The following CLU variants were observed in gnomAD, a reference collection of about 807,000 sequenced individuals.
CLU encodes aging-associated protein 4.
In CLU, 25 loss-of-function variants were observed where a neutral mutation model predicts 46.4. That is an observed-to-expected ratio of 0.54 (90% CI 0.39 to 0.75). The LOEUF (loss-of-function observed/expected upper bound fraction) is 0.75, where lower values mean the gene tolerates loss of function less well. CLU is among the 30% of genes least tolerant of loss of function. CLU has a pLI of 0.00. For synonymous variants in CLU, 235 were observed against 235.1 expected (o/e 1.00, Z 0.00); for missense variants, 504 against 592.1 (o/e 0.85, Z 1.54).
intron 5 of CLU, 33 bp from the exon 6 acceptor site, chr8:27,604,428 T>A: frequency 6.5e-7 from 1 of 1,549,264 alleles, no homozygotes; most frequent in South Asian, 1.1e-5. Context: ...GAGTCAGTCA[T>A]CCAGCCATGC....
At chr8:27,610,829 G>A (rs1800913612) in intron 1 of CLU, 1 of 515,584 alleles carries the variant, frequency 1.9e-6, no homozygotes, top group East Asian at 3.5e-5. Flanking sequence ...CTGCAGGACA[G>A]CAATGTTGAG....
At chr8:27,612,080 A>G (rs991301745) in intron 1 of CLU, 5 of 325,940 alleles carry the variant, frequency 1.5e-5, no homozygotes, top group Non-Finnish European at 3.0e-5. Context: ...TTCCAGACTC[A>G]GCAGCGGGCA....
intron 5 of CLU, 86 bp from the exon 6 acceptor site, chr8:27,604,481 T>A: frequency 8.8e-7 from 1 of 1,137,684 alleles, no homozygotes; most frequent in Non-Finnish European, 1.3e-6. Flanking sequence ...TTTATTTATT[T>A]TTTAATTTAC....
At position 27,599,858 on chromosome 8, in the gene CLU, C is replaced by T; in HGVS notation, c.1086G>A (p.Leu362=). Residue 362 remains leucine (L), a synonymous_variant, in exon 7 of 9, where the codon CTG becomes CTA. Transcript: ENST00000316403. The surrounding 1 kb of genome is among the most constrained non-coding windows in gnomAD (Gnocchi z 4.0). ...GGGACACCCAGTTAAACTGCTCGTT[C>T]AGCTGCTCCAGCAAGGAGGAGGTGT... ...MLNTSSLLEQ[L]NEQFNWVSRL... 3 of 1,614,130 alleles carry T rather than the reference C, an allele frequency of 1.9e-6. No individual in the cohort carries two copies. Among genetic ancestry groups the T allele is most frequent in the Admixed American group, 3.3e-5 (2 of 60,020 alleles).
chr8:27,606,693 C>T (rs1800828749), intron 3 of CLU, among the ~76,000 whole-genome samples, 169 bp from the exon 4 acceptor site: 1 of 152,236 alleles, frequency 6.6e-6, no homozygotes, highest in Non-Finnish European at 1.5e-5. Context: ...CTCATTCGCC[C>T]ACCTGGAATC....
At position 27,608,612 on chromosome 8, in the gene CLU, G is replaced by A. The variant is rs1317789454; in HGVS notation, c.246+326C>T. On this transcript the variant is annotated intron_variant, in intron 3 of 8. Coordinates refer to ENST00000316403, the MANE Select transcript of CLU (RefSeq NM_001831.4). ...AAGCTTCCTGAAGGTTGGACGCCAC[G>A]CCTGTCTGGGCCCCTGCCGCCACCC... 11 of 504,662 alleles carry A rather than the reference G, an allele frequency of 2.2e-5. 1 individual carries two copies. The highest frequency in any genetic ancestry group is 2.0e-4 in the Admixed American group (6 of 30,234). 31.3% of individuals were successfully genotyped at this position (504,662 alleles called of 1,614,324 possible).
chr8:27,611,744 C>T (rs1190012916), intron 1 of CLU: 3 of 457,690 alleles, frequency 6.6e-6, no homozygotes, highest in Admixed American at 4.7e-5. Context: ...AGTAATCAGG[C>T]GCAAAGAGCC....
Position 27,597,276 on chromosome 8 carries a change from G to A in CLU, c.*965C>T, listed in dbSNP as rs1334491332. Reference sequence around the variant, plus strand: ...ATTCTATCAGAGAATGTTAATGAACGAAAAGCCTGAGCTTTAAGACTGAGA... The same window carrying A: ...ATTCTATCAGAGAATGTTAATGAACAAAAAGCCTGAGCTTTAAGACTGAGA... On this transcript the variant is annotated 3_prime_UTR_variant, in exon 9 of 9. Transcript: ENST00000316403. 8.8e-6 allele frequency: 4 copies of A among 454,172 alleles called. No homozygotes were observed. Among genetic ancestry groups the A allele is most frequent in the African/African-American group, 4.0e-5 (2 of 49,786 alleles). The allele number at this position is 454,172 out of a possible 1,614,324, so 28.1% of individuals were successfully genotyped here. A position where few individuals can be genotyped will look rare whatever the true frequency, so the allele number is the denominator to read the frequency against.
intron 6 of CLU, among the ~76,000 whole-genome samples, chr8:27,603,996 ACTTTTTTCAACAAG>A (rs1375488830): frequency 4.6e-5 from 7 of 152,180 alleles, no homozygotes; most frequent in African/African-American, 1.7e-4. Context: ...CAGGGGGATG[ACTTTTTTCAACAAG>A]CTTTTTTCAA....
chr8:27,610,156 C>CCA (rs1800895552), intron 2 of CLU, among the ~76,000 whole-genome samples: 1 of 152,130 alleles, frequency 6.6e-6, no homozygotes, highest in African/African-American at 2.4e-5. Flanking sequence ...CTCCGGTGGT[C>CCA]CAGACACAGC....
At chr8:27,610,945 T>C in intron 1 of CLU, 1 of 370,952 alleles carries the variant, frequency 2.7e-6, no homozygotes, top group South Asian at 2.1e-5. Context: ...CTGGCCTCCT[T>C]GTCCAGAGTG....
intron 8 of CLU, 75 bp downstream of exon 8, chr8:27,598,384 CA>C: frequency 6.2e-7 from 1 of 1,603,102 alleles, no homozygotes. Flanking sequence ...ATAGAGTCTG[CA>C]CTTTGTTTGT....
intron 8 of CLU, 52 bp from the exon 9 acceptor site, chr8:27,598,302 A>C (rs1466365946): frequency 3.1e-6 from 5 of 1,610,528 alleles, no homozygotes; most frequent in Non-Finnish European, 4.2e-6. Flanking sequence ...CAAAGGAAAA[A>C]TAAAATTCCC....
At position 27,598,196 on chromosome 8, in the gene CLU, G is replaced by C; in HGVS notation, c.*45C>G. 1 of 1,607,380 alleles carries C rather than the reference G, an allele frequency of 6.2e-7. No individual in the cohort carries two copies. Among genetic ancestry groups the C allele is most frequent in the South Asian group, 1.1e-5 (1 of 90,708 alleles). On this transcript the variant is annotated 3_prime_UTR_variant, in exon 9 of 9. Transcript: ENST00000316403. ...GGGGCTGCAGCTCATCTTGGGGGGA[G>C]CTGGACTCAGATGCCCCCGTAGGTG...
At chr8:27,612,493 G>T (rs575826396) in intron 1 of CLU, among the ~76,000 whole-genome samples, 142 of 152,248 alleles carry the variant, frequency 9.3e-4, no homozygotes, top group Non-Finnish European at 1.7e-3. Flanking sequence ...GTCTGGAGAG[G>T]GGCAGGAAAA....
In CLU at chr8:27,604,633, C is replaced by T. The variant is rs9331916; in HGVS notation, c.830-238G>A. Among the ~76,000 whole-genome samples the T allele has an allele frequency of 0.16, 24,300 of 151,982 alleles. 2,507 individuals carry two copies. The highest frequency in any genetic ancestry group is 0.26 in the Admixed American group (3,962 of 15,274). ...GACTACAGGTGTGCACCACCACACC[C>T]GGCTAATTTTTTAAGTTTTTATTTT... On this transcript the variant is annotated intron_variant, in intron 5 of 8. Transcript: ENST00000316403.
chr8:27,598,288 C>A (rs772897252), intron 8 of CLU, 38 bp from the exon 9 acceptor site: 4 of 1,612,744 alleles, frequency 2.5e-6, no homozygotes, highest in Middle Eastern at 1.6e-4. Context: ...AGTAAAACAT[C>A]CTCCAAAGGA....
At position 27,597,796 on chromosome 8, in the gene CLU, T is replaced by C. The variant is rs930262672; in HGVS notation, c.*445A>G. 1 of 458,732 alleles carries C rather than the reference T, an allele frequency of 2.2e-6. No individual in the cohort carries two copies. The highest frequency in any genetic ancestry group is 2.0e-5 in the African/African-American group (1 of 50,202). 28.4% of individuals were successfully genotyped at this position (458,732 alleles called of 1,614,324 possible). ...CTCTCTTCCTGAAAGCAAGCAATTC[T>C]TGAAGTGGATCAACCTTGTCATCAT... On this transcript the variant is annotated 3_prime_UTR_variant, in exon 9 of 9. Coordinates refer to ENST00000316403, the MANE Select transcript of CLU (RefSeq NM_001831.4).
In CLU at chr8:27,597,596, A is replaced by G; in HGVS notation, c.*645T>C. On this transcript the variant is annotated 3_prime_UTR_variant, in exon 9 of 9. Transcript: ENST00000316403. The stretch of plus-strand genomic sequence containing the variant: ...CAAATGTTTTCATAACGAAAACATC[A>G]ATTATGCATTATAATACCAAGTACA... 1 of 454,132 alleles carries G rather than the reference A, an allele frequency of 2.2e-6. No individual in the cohort carries two copies. The highest frequency in any genetic ancestry group is 4.4e-6 in the Non-Finnish European group (1 of 226,798). The allele number at this position is 454,132 out of a possible 1,614,324, so 28.1% of individuals were successfully genotyped here.
Sources: gnomAD v4.1 joint callset for allele counts (sites outside exome capture counted in the v4.1 genomes callset) on GRCh38, gnomAD v4.1.1 for gene constraint, Gnocchi (gnomAD v3.1) non-coding constraint, MANE v1.5 for transcripts, NCBI Gene and HGNC (gene_info 2026-07-23, HGNC 2026-07-21) for gene names.